RNF6: variants seen among roughly 807,000 people sequenced by gnomAD.
RNF6 encodes the protein E3 ubiquitin-protein ligase RNF6.
RNF6 carries 21 observed loss-of-function variants against 50.1 expected under a neutral mutation model. The ratio of observed to expected loss-of-function variants is 0.42; its 90% CI spans 0.30 to 0.60. The LOEUF is 0.60. Ranked by LOEUF, RNF6 falls within the 20% of genes least tolerant of loss-of-function variation. RNF6 has a pLI of 0.20. For synonymous variants in RNF6, 255 were observed against 291.8 expected (o/e 0.87, Z 1.29); for missense variants, 698 against 838.2 (o/e 0.83, Z 2.07).
At chr13:26,175,308 T>C (rs1872902090) in intron 5 of RNF6, among the ~76,000 whole-genome samples, 1 of 152,202 alleles carries the variant, frequency 6.6e-6, no homozygotes, top group Non-Finnish European at 1.5e-5. Flanking sequence ...CTCAAACTCC[T>C]GGCCTCATGT....
In RNF6 at chr13:26,132,425, A is replaced by G. The variant is rs1025474499; in HGVS notation, n.795T>C. 4 of 460,440 alleles carry G rather than the reference A, an allele frequency of 8.7e-6. 1 individual carries two copies. The highest frequency in any genetic ancestry group is 4.6e-5 in the South Asian group (3 of 64,578). 28.5% of individuals were successfully genotyped at this position (460,440 alleles called of 1,614,324 possible). ...TAGACTTAACAACTGGTTTTCTGGT[A>G]GCACTTCAGCTTGTATCTGGCAAAG... On this transcript the variant is annotated non_coding_transcript_exon_variant, in exon 6 of 6. Coordinates refer to the RNF6 transcript ENST00000468480.
chr13:26,141,195 G>A (rs1231274850), intron 5 of RNF6, among the ~76,000 whole-genome samples: 4 of 152,062 alleles, frequency 2.6e-5, no homozygotes, highest in Admixed American at 1.3e-4. Flanking sequence ...AAAGAACAAA[G>A]TCAAGGCAGG....
At chr13:26,164,408 T>C (rs1180880019) in intron 5 of RNF6, among the ~76,000 whole-genome samples, 3 of 152,212 alleles carry the variant, frequency 2.0e-5, no homozygotes, top group Admixed American at 1.3e-4. Context: ...ATCTACTTTA[T>C]AGTATATTAA....
intron 5 of RNF6, among the ~76,000 whole-genome samples, chr13:26,204,877 T>C (rs529704413): frequency 2.4e-4 from 37 of 152,356 alleles, no homozygotes; most frequent in African/African-American, 8.4e-4. Flanking sequence ...ACATGGCATC[T>C]TCACTGAATC....
At chr13:26,159,556 C>A (rs192268962) in intron 5 of RNF6, among the ~76,000 whole-genome samples, 121 of 151,976 alleles carry the variant, frequency 8.0e-4, no homozygotes, top group African/African-American at 2.8e-3. Context: ...ACCCAGGAGG[C>A]GGAGCTTGCA....
chr13:26,150,300 T>C (rs1361801034), intron 5 of RNF6, among the ~76,000 whole-genome samples: 7 of 152,126 alleles, frequency 4.6e-5, no homozygotes, highest in Non-Finnish European at 1.0e-4. Context: ...TTTAGTGATG[T>C]CATGTCTTTA....
chr13:26,191,972 T>A (rs1008209857), intron 5 of RNF6, among the ~76,000 whole-genome samples: 1 of 152,012 alleles, frequency 6.6e-6, no homozygotes, highest in Non-Finnish European at 1.5e-5. Flanking sequence ...TAGGCAGAGG[T>A]AATGTGTAAT....
chr13:26,196,224 C>G (rs1241575269), intron 5 of RNF6, among the ~76,000 whole-genome samples: 1 of 152,102 alleles, frequency 6.6e-6, no homozygotes, highest in South Asian at 2.1e-4. Flanking sequence ...ACATACACTG[C>G]TTCTCATCAC....
At chr13:26,138,661 T>A (rs576832039) in intron 5 of RNF6, among the ~76,000 whole-genome samples, 47 of 152,280 alleles carry the variant, frequency 3.1e-4, no homozygotes, top group African/African-American at 1.1e-3. Flanking sequence ...ATTAAAAGGG[T>A]ATTAATTCAA....
chr13:26,164,644 G>T (rs1461582744), intron 5 of RNF6, among the ~76,000 whole-genome samples: 1 of 150,974 alleles, frequency 6.6e-6, no homozygotes, highest in African/African-American at 2.4e-5. Flanking sequence ...CTGTTATTTT[G>T]TGTACCTGAT....
At chr13:26,133,749 G>A in intron 5 of RNF6, among the ~76,000 whole-genome samples, 1 of 152,054 alleles carries the variant, frequency 6.6e-6, no homozygotes, top group Non-Finnish European at 1.5e-5. Context: ...ATTTGTTTCA[G>A]GCATGTTTGT....
intron 5 of RNF6, among the ~76,000 whole-genome samples, chr13:26,154,886 CG>C (rs1295480848): frequency 6.6e-6 from 1 of 151,832 alleles, no homozygotes; most frequent in Non-Finnish European, 1.5e-5. Flanking sequence ...AAAAATTAGC[CG>C]GATGTGGTGG....
In RNF6 at chr13:26,171,765, G is replaced by A. The variant is rs113831161; in HGVS notation, n.769-39314C>T. Among the ~76,000 whole-genome samples, 114 of 152,268 alleles carry A rather than the reference G, an allele frequency of 7.5e-4. 1 individual carries two copies. The East Asian group carries it at 0.02, about 27-fold the overall frequency. On this transcript the variant is annotated intron_variant and non_coding_transcript_variant, in intron 5 of 5. Coordinates refer to the RNF6 transcript ENST00000468480. ...TACAACATGGATGAAACTTCAAGACGTTATGCTTGGTGAAATAAGCCAGAC... is the reference window on the plus strand; with the variant it reads ...TACAACATGGATGAAACTTCAAGACATTATGCTTGGTGAAATAAGCCAGAC...
intron 5 of RNF6, among the ~76,000 whole-genome samples, chr13:26,185,253 C>T (rs988154926): frequency 3.3e-5 from 5 of 152,116 alleles, no homozygotes; most frequent in African/African-American, 9.7e-5. Flanking sequence ...CTGACCGCCT[C>T]GGCCTCCAAA....
At position 26,153,870 on chromosome 13, in the gene RNF6, G is replaced by A. The variant is rs372851046; in HGVS notation, n.769-21419C>T. Among the ~76,000 whole-genome samples, 71 of 152,176 alleles carry A rather than the reference G, an allele frequency of 4.7e-4. No homozygotes were observed. The East Asian group carries it at 8.7e-3, about 19-fold the overall frequency. ...GCCAGAGCATCTATTGCTCATCCGCGTATTTTTCAGCCCCAAAATGGAATT... is the reference window on the plus strand; with the variant it reads ...GCCAGAGCATCTATTGCTCATCCGCATATTTTTCAGCCCCAAAATGGAATT... On this transcript the variant is annotated intron_variant and non_coding_transcript_variant, in intron 5 of 5. Coordinates refer to the RNF6 transcript ENST00000468480.
At chr13:26,172,575 G>A (rs1455509058) in intron 5 of RNF6, among the ~76,000 whole-genome samples, 5 of 146,000 alleles carry the variant, frequency 3.4e-5, no homozygotes, top group Admixed American at 2.7e-4. Context: ...ATGGAATCTT[G>A]CTCTGTCGCC....
chr13:26,187,281 G>GTCTCC (rs369867699), intron 5 of RNF6, among the ~76,000 whole-genome samples: 1 of 152,160 alleles, frequency 6.6e-6, no homozygotes, highest in Non-Finnish European at 1.5e-5. Flanking sequence ...AAGGGGGAAA[G>GTCTCC]CCCTGGAAAA....
intron 5 of RNF6, among the ~76,000 whole-genome samples, chr13:26,175,093 TTTC>T (rs1278335031): frequency 6.6e-6 from 1 of 152,106 alleles, no homozygotes; most frequent in African/African-American, 2.4e-5. Flanking sequence ...GCCTTTTTAT[TTTC>T]TTGAGACAGA....
intron 5 of RNF6, among the ~76,000 whole-genome samples, chr13:26,189,244 C>A (rs564436210): frequency 2.0e-4 from 31 of 152,032 alleles, no homozygotes; most frequent in Non-Finnish European, 3.1e-4. Flanking sequence ...AGGAGAATCG[C>A]TTGAACCCGG....
Sources: allele counts gnomAD v4.1 joint callset (sites outside exome capture counted in the v4.1 genomes callset), GRCh38; gene constraint gnomAD v4.1.1; transcripts MANE v1.5; gene names NCBI Gene and HGNC (gene_info 2026-07-23, HGNC 2026-07-21).